The following OLFM1 variants were observed in gnomAD, a reference collection of about 807,000 sequenced individuals.
OLFM1 encodes noelin.
A neutral mutation model predicts 49.7 loss-of-function variants in OLFM1; 9 were observed. That is an observed-to-expected ratio of 0.18 (90% CI 0.11 to 0.32). The LOEUF (loss-of-function observed/expected upper bound fraction) is 0.32, where lower values mean the gene tolerates loss of function less well. OLFM1 is among the 10% of genes least tolerant of loss of function. The pLI is 1.00. For missense variants in OLFM1, 369 were observed against 661.8 expected (o/e 0.56, Z 4.85); for synonymous variants, 240 against 271.8 (o/e 0.88, Z 1.15).
intron 1 of OLFM1, chr9:135,077,428 C>G (rs757466046): frequency 2.2e-5 from 14 of 640,794 alleles, no homozygotes; most frequent in Non-Finnish European, 3.3e-5. Context: ...ATTCCCTGTT[C>G]TGGGGAGAAA....
At chr9:135,085,543 C>G (rs1463185422), upstream of OLFM1, among the ~76,000 whole-genome samples, 1 of 152,250 alleles carries the variant, frequency 6.6e-6, no homozygotes, top group Non-Finnish European at 1.5e-5. Flanking sequence ...CCAGGCATGG[C>G]AAAGCCCCAG....
upstream of OLFM1, among the ~76,000 whole-genome samples, chr9:135,086,038 T>A (rs1418000864): frequency 6.6e-6 from 1 of 152,230 alleles, no homozygotes. Context: ...TTTGAATTTG[T>A]TCCCGCAGAA....
intron 2 of OLFM1, among the ~76,000 whole-genome samples, chr9:135,091,833 TCACACA>T (rs199926578): frequency 2.8e-5 from 2 of 71,212 alleles, no homozygotes; most frequent in African/African-American, 6.2e-5. Flanking sequence ...ACACTCACAG[TCACACA>T]CACACTCACA....
chr9:135,087,888 G>C lies in OLFM1; in HGVS notation c.-102G>C. 1 of 1,037,436 alleles carries C rather than the reference G, an allele frequency of 9.6e-7. No homozygotes were observed. The highest frequency in any genetic ancestry group is 1.2e-6 in the Non-Finnish European group (1 of 858,036). The allele number at this position is 1,037,436 out of a possible 1,614,324, so 64.3% of individuals were successfully genotyped here. ...CGGGCCGAGGGGGCGCGGGGACACA[G>C]CCAGGCGCCCCTGCCCGCCGCGGTG... On this transcript the variant is annotated 5_prime_UTR_variant, in exon 1 of 6. Coordinates refer to ENST00000371793, the MANE Select transcript of OLFM1 (RefSeq NM_001282611.2).
At chr9:135,077,315 G>C (rs748939470) in intron 1 of OLFM1, 1 of 1,391,570 alleles carries the variant, frequency 7.2e-7, no homozygotes. Flanking sequence ...GGACATGGCC[G>C]CACCCAAGGG....
Position 135,120,272 on chromosome 9 carries a change from C to T in OLFM1, c.*94C>T, listed in dbSNP as rs150297012. 357 of 1,068,056 alleles carry T rather than the reference C, an allele frequency of 3.3e-4. 1 individual carries two copies. Among genetic ancestry groups the T allele is most frequent in the African/African-American group, 3.1e-3 (196 of 62,604 alleles). 66.2% of individuals were successfully genotyped at this position (1,068,056 alleles called of 1,614,324 possible). On this transcript the variant is annotated 3_prime_UTR_variant, in exon 6 of 6. Coordinates refer to ENST00000371793, the MANE Select transcript of OLFM1 (RefSeq NM_001282611.2). ...AAAGATACCAATAACACTAACAATA[C>T]CGATCTTGAAAAATCATCAGCAGTG...
upstream of OLFM1, chr9:135,087,610 C>A: frequency 1.3e-6 from 1 of 752,522 alleles, no homozygotes; most frequent in Non-Finnish European, 1.8e-6. Flanking sequence ...GCGTCGGTCC[C>A]GCCCGGCCGA....
rs756363499 is a variant in OLFM1 at position 135,095,908 on chromosome 9, C to A, written c.345C>A (p.Thr115=). 1 of 1,612,986 alleles carries A rather than the reference C, an allele frequency of 6.2e-7. No homozygotes were observed. Among genetic ancestry groups the A allele is most frequent in the Non-Finnish European group, 8.5e-7 (1 of 1,179,556 alleles). ...CCATAGAGGTCTTGGACAGGCGGAC[C>A]CAGAGAGACTTGCAGTACGTGGAGA... The part of the protein sequence containing the change: ...SQSIEVLDRR[T]QRDLQYVEKM... Residue 115 remains threonine, a synonymous_variant, in exon 3 of 6, where the codon ACC becomes ACA. Coordinates refer to ENST00000371793, the MANE Select transcript of OLFM1 (RefSeq NM_001282611.2).
upstream of OLFM1, among the ~76,000 whole-genome samples, chr9:135,083,541 T>C (rs1467670018): frequency 6.6e-6 from 1 of 152,108 alleles, no homozygotes; most frequent in African/African-American, 2.4e-5. Context: ...CCAGGGCAAG[T>C]AGCTCCCCAT....
intron 2 of OLFM1, among the ~76,000 whole-genome samples, chr9:135,091,581 ACACT>A (rs1163932312): frequency 1.3e-4 from 19 of 150,462 alleles, no homozygotes; most frequent in East Asian, 7.8e-4. Flanking sequence ...ACACAGTCAC[ACACT>A]CACAGTCACA....
At chr9:135,075,712 A>G in exon 1 of OLFM1, 1 of 1,598,484 alleles carries the variant, frequency 6.3e-7, no homozygotes, top group Non-Finnish European at 8.5e-7. Context: ...CCTGCATGCC[A>G]GGTCGTTGGA....
At position 135,098,034 on chromosome 9, in the gene OLFM1, C is replaced by T. The variant is rs968306429; in HGVS notation, c.457-252C>T. 6.3e-6 allele frequency: 9 copies of T among 1,417,912 alleles called. No homozygotes were observed. Among genetic ancestry groups the T allele is most frequent in the African/African-American group, 2.9e-5 (2 of 69,410 alleles). 87.8% of individuals were successfully genotyped at this position (1,417,912 alleles called of 1,614,324 possible). A position where few individuals can be genotyped will look rare whatever the true frequency, so the allele number is the denominator to read the frequency against. ...TGAAAAAGAAAGAAAAAAAAAACTT[C>T]GTGTATGTGACTCAAAGCATGTAAC... On this transcript the variant is annotated intron_variant, in intron 3 of 5. Coordinates refer to ENST00000371793, the MANE Select transcript of OLFM1 (RefSeq NM_001282611.2). This position sits in a 1 kb window ranked among gnomAD's most constrained non-coding sequence, Gnocchi z 5.6.
chr9:135,115,754 C>T (rs1831088240), intron 5 of OLFM1, among the ~76,000 whole-genome samples: 1 of 152,250 alleles, frequency 6.6e-6, no homozygotes, highest in Non-Finnish European at 1.5e-5. Flanking sequence ...CCCCTCTTGA[C>T]TCTGACCACT....
At chr9:135,076,079 T>C (rs1311525587) in intron 1 of OLFM1, 1 of 1,500,004 alleles carries the variant, frequency 6.7e-7, no homozygotes, top group Non-Finnish European at 8.9e-7. Context: ...CCCGACTCCC[T>C]GCTGAGAAGT....
rs115852241 is a variant in OLFM1 at position 135,120,162 on chromosome 9, G to T, written c.1442G>T (p.Arg481Leu). 1 of 1,610,070 alleles carries T rather than the reference G, an allele frequency of 6.2e-7. No individual in the cohort carries two copies. The highest frequency in any genetic ancestry group is 1.1e-5 in the South Asian group (1 of 90,370). ...AACGTGACCCTCTTCCACGTCATCC[G>T]CTCCGACGAGTTGTAGCTCCCTCCT... ...LYNVTLFHVI[R>L]SDEL Residue 481 changes from arginine to leucine, a missense_variant, in exon 6 of 6, where the codon CGC becomes CTC. Physicochemically the swap from Arg to Leu is moderately radical, Grantham distance 102. This residue lies in a region of OLFM1 where 294 missense variants were observed against 567.5 expected (regional missense o/e 0.52). Transcript: ENST00000371793.
chr9:135,102,414 C>T (rs1489600800), intron 4 of OLFM1, among the ~76,000 whole-genome samples: 1 of 152,210 alleles, frequency 6.6e-6, no homozygotes, highest in South Asian at 2.1e-4. Flanking sequence ...AAGGAAAACC[C>T]ACTAGAGTGA....
intron 3 of OLFM1, among the ~76,000 whole-genome samples, chr9:135,097,081 G>T (rs139844334): frequency 6.6e-6 from 1 of 152,170 alleles, no homozygotes; most frequent in Non-Finnish European, 1.5e-5. Flanking sequence ...AGCCTCGCCC[G>T]ACTAGAAACT....
intron 5 of OLFM1, among the ~76,000 whole-genome samples, chr9:135,111,185 C>T (rs980853318): frequency 3.9e-5 from 6 of 152,212 alleles, no homozygotes; most frequent in Admixed American, 2.6e-4. Flanking sequence ...TCGGAGAAGC[C>T]TGGTCCCCTG....
rs1830622686 is a variant in OLFM1, at chr9:135,087,953, C to T, written c.-37C>T. 4.3e-6 allele frequency: 6 copies of T among 1,392,292 alleles called. No homozygotes were observed. Among genetic ancestry groups the T allele is most frequent in the Non-Finnish European group, 5.7e-6 (6 of 1,059,688 alleles). 86.2% of individuals were successfully genotyped at this position (1,392,292 alleles called of 1,614,324 possible). ...GCCGCCTGGGCGCGGGAGCCGGTGC[C>T]AGCTCGGAGCGGGCGCTGGAGGCAG... On this transcript the variant is annotated 5_prime_UTR_variant, in exon 1 of 6. Transcript: ENST00000371793.
Sources: allele counts gnomAD v4.1 joint callset (sites outside exome capture counted in the v4.1 genomes callset), GRCh38; gene constraint gnomAD v4.1.1; regional missense constraint gnomAD v4.1.1; non-coding constraint Gnocchi (gnomAD v3.1); transcripts MANE v1.5; gene names NCBI Gene and HGNC (gene_info 2026-07-23, HGNC 2026-07-21).